The following SPPL3 variants were observed in gnomAD, a reference collection of about 807,000 sequenced individuals.
The protein encoded by SPPL3 is signal peptide peptidase like 3.
A neutral mutation model predicts 42.4 loss-of-function variants in SPPL3; 5 were observed. The observed-to-expected ratio is 0.12, with a 90% CI of 0.06 to 0.25. SPPL3 has a LOEUF of 0.25. Ranked by LOEUF, SPPL3 falls within the 10% of genes least tolerant of loss-of-function variation. The pLI, the probability that SPPL3 is intolerant of heterozygous loss-of-function variation, is 1.00. For synonymous variants in SPPL3, 195 were observed against 181.8 expected (o/e 1.07, Z -0.58); for missense variants, 235 against 489.0 (o/e 0.48, Z 4.90).
intron 1 of SPPL3, among the ~76,000 whole-genome samples, chr12:120,853,968 ACACACACG>A (rs1195043636): frequency 7.7e-6 from 1 of 129,074 alleles, no homozygotes; most frequent in African/African-American, 3.0e-5. Flanking sequence ...CACCACCACC[ACACACACG>A]CACACATACA....
chr12:120,819,763 AAACTT>A, intron 1 of SPPL3, among the ~76,000 whole-genome samples: 1 of 152,288 alleles, frequency 6.6e-6, no homozygotes, highest in Non-Finnish European at 1.5e-5. Flanking sequence ...TCAAGGGTTA[AAACTT>A]AACAAAAGAA....
At chr12:120,767,655 G>C in intron 8 of SPPL3, 62 bp from the exon 9 acceptor site, 3 of 1,564,442 alleles carry the variant, frequency 1.9e-6, no homozygotes, top group Non-Finnish European at 2.6e-6. Context: ...TATTCCTTTT[G>C]TGCAAAGTTT....
chr12:120,822,896 C>T (rs1412876576), intron 1 of SPPL3, among the ~76,000 whole-genome samples: 2 of 151,996 alleles, frequency 1.3e-5, no homozygotes, highest in East Asian at 3.9e-4. Flanking sequence ...TTATGTATCA[C>T]CACATGCATG....
At chr12:120,886,757 C>G (rs1205844286) in intron 1 of SPPL3, among the ~76,000 whole-genome samples, 1 of 152,174 alleles carries the variant, frequency 6.6e-6, no homozygotes, top group Non-Finnish European at 1.5e-5. Flanking sequence ...ACACACTCAT[C>G]TGTTTTTCCT....
At chr12:120,772,207 A>G (rs1308492064) in intron 6 of SPPL3, among the ~76,000 whole-genome samples, 3 of 152,090 alleles carry the variant, frequency 2.0e-5, no homozygotes, top group Non-Finnish European at 4.4e-5. Flanking sequence ...TTTTTAGTAG[A>G]GACAGGGTTT....
At chr12:120,766,062 T>C (rs1223655553) in intron 10 of SPPL3, among the ~76,000 whole-genome samples, 1 of 151,676 alleles carries the variant, frequency 6.6e-6, no homozygotes, top group African/African-American at 2.4e-5. Flanking sequence ...GCTGCACGAA[T>C]CTGGAAGCGT....
chr12:120,764,956 A>G lies in SPPL3; in HGVS notation c.*43T>C, dbSNP rs761995210. 12 of 1,600,064 alleles carry G rather than the reference A, an allele frequency of 7.5e-6. No individual in the cohort carries two copies. The Admixed American group carries it at 1.7e-4, about 23-fold the overall frequency. ...GAGGAAACAAACCATGAGTTGAGAG[A>G]AAAGGACTATGACGGCCATCTGGTC... is the stretch of plus-strand genomic sequence containing the variant. On this transcript the variant is annotated 3_prime_UTR_variant, in exon 11 of 11. Transcript: ENST00000353487.
At chr12:120,782,184 A>G (rs1173183871) in intron 6 of SPPL3, among the ~76,000 whole-genome samples, 1 of 152,238 alleles carries the variant, frequency 6.6e-6, no homozygotes, top group Non-Finnish European at 1.5e-5. Flanking sequence ...TTTATATAAA[A>G]AAGCATAGTC....
intron 1 of SPPL3, among the ~76,000 whole-genome samples, chr12:120,864,442 G>A (rs1227024043): frequency 6.6e-6 from 1 of 152,188 alleles, no homozygotes; most frequent in Non-Finnish European, 1.5e-5. Context: ...GGCTGAGGCA[G>A]GAGAACTGCT....
intron 1 of SPPL3, among the ~76,000 whole-genome samples, chr12:120,811,940 G>C (rs1232631391): frequency 6.6e-6 from 1 of 152,072 alleles, no homozygotes; most frequent in African/African-American, 2.4e-5. Flanking sequence ...ATGTATATTA[G>C]GTAGATGCAG....
At chr12:120,873,165 C>A (rs1295031694) in intron 1 of SPPL3, among the ~76,000 whole-genome samples, 1 of 152,194 alleles carries the variant, frequency 6.6e-6, no homozygotes, top group Non-Finnish European at 1.5e-5. Context: ...AGTACAGTAT[C>A]TCAAATGAAA....
At position 120,765,011 on chromosome 12, in the gene SPPL3, G is replaced by A. The variant is rs780423668; in HGVS notation, c.1143C>T (p.Phe381=). The A allele has an allele frequency of 6.2e-7, 1 of 1,613,842 alleles. No individual in the cohort carries two copies. Among genetic ancestry groups the A allele is most frequent in the South Asian group, 1.1e-5 (1 of 91,006 alleles). The part of the protein sequence containing the change: ...PFHSKSSSSR[F]LEV ...TCCACGTGATCCATCATACTTCCAG[G>A]AATCGGGAGCTGCTGGACTTGGAGT... The change falls in exon 11 of 11, where the codon TTC becomes TTT. Residue 381 remains phenylalanine, a synonymous_variant. Transcript: ENST00000353487.
intron 6 of SPPL3, among the ~76,000 whole-genome samples, chr12:120,771,901 G>A (rs549451843): frequency 6.6e-5 from 10 of 152,250 alleles, no homozygotes; most frequent in Admixed American, 2.6e-4. Context: ...TTCTTTTCAC[G>A]CTCTACCCAG....
At position 120,767,718 on chromosome 12, in the gene SPPL3, T is replaced by C. The variant is rs1868963767; in HGVS notation, c.774-125A>G. 4.3e-6 allele frequency: 4 copies of C among 937,396 alleles called. No homozygotes were observed. In the Admixed American group the frequency reaches 9.9e-5, roughly 23 times the overall value. The allele number at this position is 937,396 out of a possible 1,614,324, so 58.1% of individuals were successfully genotyped here. On this transcript the variant is annotated intron_variant, in intron 8 of 10. Coordinates refer to ENST00000353487, the MANE Select transcript of SPPL3 (RefSeq NM_139015.5). ...TATCTGCATGGCAGATGGAAATCTC[T>C]TCTGATGGAACATTAGTTTTAAGAG... is the stretch of plus-strand genomic sequence containing the variant.
At chr12:120,876,616 C>CAAAAAAAAAAAAAA (rs71076676) in intron 1 of SPPL3, among the ~76,000 whole-genome samples, 17 of 51,190 alleles carry the variant, frequency 3.3e-4, no homozygotes, top group Non-Finnish European at 5.5e-4. Context: ...GACTCTGTCT[C>CAAAAAAAAAAAAAA]AAAAAAAAAA....
intron 3 of SPPL3, 117 bp from the exon 4 acceptor site, chr12:120,784,710 A>C: frequency 1.4e-6 from 1 of 720,918 alleles, no homozygotes; most frequent in Non-Finnish European, 2.2e-6. Flanking sequence ...TACGTAGGAC[A>C]TGGATTATCC....
intron 1 of SPPL3, among the ~76,000 whole-genome samples, chr12:120,878,105 T>C (rs1392479573): frequency 1.3e-5 from 2 of 151,970 alleles, no homozygotes; most frequent in Admixed American, 6.6e-5. Flanking sequence ...CAAAATAAAA[T>C]GTATTTCTAC....
chr12:120,902,796 G>A (rs1151849), intron 1 of SPPL3, among the ~76,000 whole-genome samples: 73,478 of 151,904 alleles, frequency 0.48, 17,965 homozygotes, highest in East Asian at 0.56. Flanking sequence ...CCACTCCTAC[G>A]ATCATGCCAT....
At chr12:120,885,916 G>A (rs1039606691) in intron 1 of SPPL3, among the ~76,000 whole-genome samples, 6 of 147,066 alleles carry the variant, frequency 4.1e-5, no homozygotes, top group East Asian at 2.0e-4. Context: ...GTGCAATGGC[G>A]CGATTTCAGC....
Sources: gnomAD v4.1 joint callset for allele counts (sites outside exome capture counted in the v4.1 genomes callset) on GRCh38, gnomAD v4.1.1 for gene constraint, MANE v1.5 for transcripts, NCBI Gene and HGNC (gene_info 2026-07-23, HGNC 2026-07-21) for gene names.